Variants in NRG3 observed in about 807,000 individuals in gnomAD.
NRG3 encodes pro-neuregulin-3, membrane-bound isoform.
A neutral mutation model predicts 66.9 loss-of-function variants in NRG3; 31 were observed. That is an observed-to-expected ratio of 0.46 (90% confidence interval 0.35 to 0.63). NRG3 has a LOEUF of 0.63. Ranked by LOEUF, NRG3 falls within the 20% of genes least tolerant of loss-of-function variation. The pLI, the probability that NRG3 is intolerant of heterozygous loss-of-function variation, is 0.00. For missense variants in NRG3, 910 were observed against 878.9 expected, an observed-to-expected ratio of 1.04 and a Z score of -0.45; for synonymous variants, 393 against 359.4, an observed-to-expected ratio of 1.09 and a Z score of -1.06.
intron 2 of NRG3, among the ~76,000 whole-genome samples, chr10:82,495,811 G>GACACACACACAC (rs55671097): frequency 0.029 from 4,232 of 144,828 alleles, 134 homozygotes; most frequent in African/African-American, 0.076. Context: ...TTAGAGTGCA[G>GACACACACACAC]ACACACACAC....
At chr10:82,432,681 TTCAACTC>T (rs2089900676) in intron 2 of NRG3, among the ~76,000 whole-genome samples, 1 of 152,106 alleles carries the variant, frequency 6.6e-6, no homozygotes, top group South Asian at 2.1e-4. Context: ...GTTCTCAAGG[TTCAACTC>T]TCACTTATGA....
At chr10:82,360,756 C>G (rs1451202831) in intron 2 of NRG3, among the ~76,000 whole-genome samples, 2 of 152,110 alleles carry the variant, frequency 1.3e-5, no homozygotes, top group African/African-American at 4.8e-5. Context: ...GAGTTGATTC[C>G]TTTTGAGGCC....
intron 3 of NRG3, among the ~76,000 whole-genome samples, chr10:82,772,902 C>G (rs763732465): frequency 1.8e-4 from 28 of 151,566 alleles, no homozygotes; most frequent in Non-Finnish European, 3.4e-4. Flanking sequence ...ACAAGATCTC[C>G]CTATGTTGCT....
At chr10:82,642,183 A>G (rs990497828) in intron 2 of NRG3, among the ~76,000 whole-genome samples, 1 of 151,950 alleles carries the variant, frequency 6.6e-6, no homozygotes, top group Non-Finnish European at 1.5e-5. Context: ...GATTTTATCT[A>G]TTTGCATGGC....
chr10:82,304,045 G>A (rs887641181), intron 1 of NRG3, among the ~76,000 whole-genome samples: 2 of 152,030 alleles, frequency 1.3e-5, no homozygotes, highest in African/African-American at 2.4e-5. Context: ...TAGAATTGGG[G>A]TATAAGAGTG....
intron 1 of NRG3, among the ~76,000 whole-genome samples, chr10:82,293,711 TTC>T (rs983503420): frequency 1.4e-4 from 21 of 152,270 alleles, no homozygotes; most frequent in Non-Finnish European, 2.8e-4. Context: ...TTGTTAAAGT[TTC>T]TGAGTCTTTA....
At chr10:82,282,675 G>T (rs1389227941) in intron 1 of NRG3, among the ~76,000 whole-genome samples, 1 of 152,112 alleles carries the variant, frequency 6.6e-6, no homozygotes, top group African/African-American at 2.4e-5. Flanking sequence ...ATGAGTTAAT[G>T]CAAATTAGCG....
intron 2 of NRG3, among the ~76,000 whole-genome samples, chr10:82,488,043 TA>T (rs2132217690): frequency 6.6e-6 from 1 of 152,322 alleles, no homozygotes; most frequent in African/African-American, 2.4e-5. Flanking sequence ...TAAGAAAATT[TA>T]ATTAAAATGG....
Position 82,423,472 on chromosome 10 carries a change from A to T in NRG3, c.953+64604A>T, listed in dbSNP as rs188172986. 2.6e-5 allele frequency among the ~76,000 whole-genome samples: 4 copies of T among 152,058 alleles called. No individual in the cohort carries two copies. In the East Asian group the frequency reaches 5.8e-4, roughly 22 times the overall value. On this transcript the variant is annotated intron_variant, in intron 2 of 8. Transcript: ENST00000372141. The stretch of plus-strand genomic sequence containing the variant: ...GAAGGAGTTGAAACCTTAATTGATC[A>T]ATCACTTGATTCAGCTGAAACTTAG...
intron 8 of NRG3, among the ~76,000 whole-genome samples, chr10:82,984,300 T>C (rs1224109374): frequency 1.3e-5 from 2 of 152,218 alleles, no homozygotes; most frequent in East Asian, 3.9e-4. Context: ...TATATTCAAA[T>C]GACTTGTGAT....
rs1467409708 is a variant in NRG3, at chr10:82,338,609, G to A, written c.824-20130G>A. On this transcript the variant is annotated intron_variant, in intron 1 of 8. Transcript: ENST00000372141. ...GATTGTTAAATAAATGACTTTAATT[G>A]GCATCATACAGCGATATTACAGAAT... Among the ~76,000 whole-genome samples the A allele has an allele frequency of 2.6e-5, 4 of 152,058 alleles. No individual in the cohort carries two copies. In the South Asian group the frequency reaches 8.3e-4, roughly 32 times the overall value.
intron 1 of NRG3, among the ~76,000 whole-genome samples, chr10:81,938,647 A>ATGTGTGTGTG (rs766914179): frequency 0.078 from 8,743 of 112,720 alleles, 365 homozygotes; most frequent in East Asian, 0.2. Context: ...GTGTGCATGC[A>ATGTGTGTGTG]TGCATGCATG....
intron 2 of NRG3, among the ~76,000 whole-genome samples, chr10:82,581,237 G>C (rs1050964679): frequency 1.3e-5 from 2 of 151,948 alleles, no homozygotes; most frequent in African/African-American, 2.4e-5. Flanking sequence ...ATCTCCTTTG[G>C]AGAGGTATTT....
intron 4 of NRG3, among the ~76,000 whole-genome samples, chr10:82,892,991 AAAC>A (rs1341484698): frequency 6.6e-6 from 1 of 152,124 alleles, no homozygotes; most frequent in Non-Finnish European, 1.5e-5. Flanking sequence ...ATAGAATAAA[AAAC>A]AAACTTAAAT....
At chr10:82,928,777 G>C (rs1345403718) in intron 4 of NRG3, among the ~76,000 whole-genome samples, 2 of 152,188 alleles carry the variant, frequency 1.3e-5, no homozygotes, top group African/African-American at 4.8e-5. Context: ...AAAAGCAGCT[G>C]TGTTTGGCCC....
At chr10:82,287,807 A>G (rs1239343482) in intron 1 of NRG3, among the ~76,000 whole-genome samples, 1 of 152,028 alleles carries the variant, frequency 6.6e-6, no homozygotes, top group Non-Finnish European at 1.5e-5. Context: ...CCCGACCTAT[A>G]TGGTGACCAT....
chr10:82,546,668 T>C (rs1361632196), intron 2 of NRG3, among the ~76,000 whole-genome samples: 2 of 152,210 alleles, frequency 1.3e-5, no homozygotes, highest in East Asian at 1.9e-4. Context: ...GGGTACTAAA[T>C]ACTTATAAAA....
intron 1 of NRG3, among the ~76,000 whole-genome samples, chr10:82,125,108 A>C (rs2068350667): frequency 6.6e-6 from 1 of 152,028 alleles, no homozygotes; most frequent in Non-Finnish European, 1.5e-5. Flanking sequence ...AAGATGAAAG[A>C]AATATTACCA....
chr10:82,564,151 C>T (rs1201447180), intron 2 of NRG3, among the ~76,000 whole-genome samples: 1 of 152,096 alleles, frequency 6.6e-6, no homozygotes, highest in East Asian at 1.9e-4. Context: ...GATCACTTTT[C>T]CATGTGCATA....
Sources: gnomAD v4.1 joint callset for allele counts (sites outside exome capture counted in the v4.1 genomes callset) on GRCh38, gnomAD v4.1.1 for gene constraint, MANE v1.5 for transcripts, NCBI Gene and HGNC (gene_info 2026-07-23, HGNC 2026-07-21) for gene names.